SDK1: variants seen among roughly 807,000 people sequenced by gnomAD.
SDK1 encodes sidekick cell adhesion molecule 1, also known as protein sidekick-1.
SDK1 carries 157 observed loss-of-function variants against 245.5 expected under a neutral mutation model. The ratio of observed to expected loss-of-function variants is 0.64; its 90% CI spans 0.56 to 0.73. The LOEUF (loss-of-function observed/expected upper bound fraction) is 0.73. Ranked by LOEUF, SDK1 falls within the 30% of genes least tolerant of loss-of-function variation. SDK1 has a pLI of 0.00. For synonymous variants in SDK1, 1,647 were observed against 1,278.5 expected, an observed-to-expected ratio of 1.29 and a Z score of -6.15; for missense variants, 3,583 against 3,002.3, an observed-to-expected ratio of 1.19 and a Z score of -4.52.
chr7:4,137,011 T>C (rs1386314778), intron 28 of SDK1, among the ~76,000 whole-genome samples: 1 of 152,200 alleles, frequency 6.6e-6, no homozygotes, highest in Middle Eastern at 3.2e-3. Flanking sequence ...TGCAGAGAGA[T>C]CGGCAGCACG....
intron 1 of SDK1, among the ~76,000 whole-genome samples, chr7:3,532,947 G>C (rs549921150): frequency 6.6e-6 from 1 of 152,138 alleles, no homozygotes; most frequent in Non-Finnish European, 1.5e-5. Flanking sequence ...TCAGAAAAAA[G>C]TAGCAAAAAC....
At chr7:3,935,557 T>C (rs1357854638) in intron 5 of SDK1, among the ~76,000 whole-genome samples, 1 of 152,030 alleles carries the variant, frequency 6.6e-6, no homozygotes, top group East Asian at 1.9e-4. Flanking sequence ...GATTTAAAAA[T>C]GGGCAAAGAA....
intron 1 of SDK1, among the ~76,000 whole-genome samples, chr7:3,326,429 T>A (rs1245053942): frequency 6.6e-6 from 1 of 152,186 alleles, no homozygotes; most frequent in East Asian, 1.9e-4. Flanking sequence ...TACTCTGATA[T>A]CACTAGACAT....
chr7:3,970,518 T>C (rs970426302), intron 11 of SDK1, among the ~76,000 whole-genome samples: 1 of 152,228 alleles, frequency 6.6e-6, no homozygotes, highest in Non-Finnish European at 1.5e-5. Flanking sequence ...TTGCAGTTTT[T>C]TGAACTTTTG....
intron 7 of SDK1, among the ~76,000 whole-genome samples, chr7:3,956,228 T>C (rs1030761846): frequency 2.0e-5 from 3 of 152,074 alleles, no homozygotes; most frequent in African/African-American, 7.2e-5. Context: ...GAAGAGTAAG[T>C]GGTTGAGAGT....
At chr7:4,092,406 A>G (rs1781864333) in intron 22 of SDK1, among the ~76,000 whole-genome samples, 1 of 152,202 alleles carries the variant, frequency 6.6e-6, no homozygotes, top group Non-Finnish European at 1.5e-5. Context: ...GGCAGGCTCC[A>G]GAGGCACCCA....
At chr7:3,735,395 C>T (rs999506793) in intron 4 of SDK1, among the ~76,000 whole-genome samples, 15 of 152,082 alleles carry the variant, frequency 9.9e-5, no homozygotes, top group African/African-American at 3.6e-4. Context: ...CTCTAGGTAC[C>T]TCATATAAGT....
chr7:3,789,072 G>A (rs28507850), intron 4 of SDK1, among the ~76,000 whole-genome samples: 1 of 152,202 alleles, frequency 6.6e-6, no homozygotes, highest in Admixed American at 6.5e-5. Context: ...AATACTGTTT[G>A]TCAAGGATAC....
chr7:3,522,371 A>G (rs574543532), intron 1 of SDK1, among the ~76,000 whole-genome samples: 2 of 152,286 alleles, frequency 1.3e-5, no homozygotes, highest in East Asian at 3.9e-4. Flanking sequence ...GTAGAAGTGA[A>G]ATTCCAGTCT....
intron 22 of SDK1, among the ~76,000 whole-genome samples, chr7:4,092,897 G>T (rs1056833460): frequency 2.0e-5 from 3 of 152,188 alleles, no homozygotes; most frequent in Non-Finnish European, 2.9e-5. Context: ...AACACTCTCT[G>T]CCAGAAGAGT....
At chr7:3,497,416 C>T (rs1052966836) in intron 1 of SDK1, among the ~76,000 whole-genome samples, 4 of 152,148 alleles carry the variant, frequency 2.6e-5, no homozygotes, top group African/African-American at 7.2e-5. Context: ...CTTTTTGTAG[C>T]TGTCTGCTGC....
At chr7:3,945,962 TTAAAAAAA>T (rs1253950225) in intron 5 of SDK1, among the ~76,000 whole-genome samples, 2 of 73,828 alleles carry the variant, frequency 2.7e-5, no homozygotes, top group Non-Finnish European at 6.0e-5. Context: ...CTTTCCAAAA[TTAAAAAAA>T]GGAAAATATT....
chr7:4,056,339 G>C (rs1779193880), intron 19 of SDK1, among the ~76,000 whole-genome samples: 1 of 152,114 alleles, frequency 6.6e-6, no homozygotes, highest in Non-Finnish European at 1.5e-5. Context: ...GCCTGAATGA[G>C]AGGGGCTTCA....
Position 3,332,789 on chromosome 7 carries a change from T to C in SDK1, c.298+30905T>C, listed in dbSNP as rs1162121006. Reference sequence around the variant, plus strand: ...AGATAACTTCTTTTCCCCCCAGGAATAGATACAGAAAATATTTTTGGTAAA... The same window carrying C: ...AGATAACTTCTTTTCCCCCCAGGAACAGATACAGAAAATATTTTTGGTAAA... On this transcript the variant is annotated intron_variant, in intron 1 of 44. Transcript: ENST00000404826. 3.3e-5 allele frequency among the ~76,000 whole-genome samples: 5 copies of C among 152,204 alleles called. 1 individual carries two copies. The highest frequency in any genetic ancestry group is 3.3e-4 in the Admixed American group (5 of 15,284).
chr7:4,091,334 CT>C (rs61065472), intron 22 of SDK1, among the ~76,000 whole-genome samples: 1,817 of 108,220 alleles, frequency 0.017, 5 homozygotes, highest in South Asian at 0.02. Flanking sequence ...CTTTTCTTTT[CT>C]TTTTTTTTTT....
At chr7:4,139,657 G>GTATA in intron 28 of SDK1, among the ~76,000 whole-genome samples, 1 of 111,824 alleles carries the variant, frequency 8.9e-6, no homozygotes, top group Non-Finnish European at 1.8e-5. Context: ...ATATGTGTGT[G>GTATA]TGTATATGTG....
intron 1 of SDK1, among the ~76,000 whole-genome samples, chr7:3,361,556 A>G (rs1341092874): frequency 6.6e-6 from 1 of 152,164 alleles, no homozygotes; most frequent in African/African-American, 2.4e-5. Flanking sequence ...CTCTATATTT[A>G]AATCTACAAT....
At chr7:3,323,951 C>T (rs1234923208) in intron 1 of SDK1, among the ~76,000 whole-genome samples, 1 of 152,166 alleles carries the variant, frequency 6.6e-6, no homozygotes, top group Non-Finnish European at 1.5e-5. Context: ...GTTTCTATTA[C>T]CTATGTCCAT....
chr7:3,355,225 A>G (rs940421655), intron 1 of SDK1, among the ~76,000 whole-genome samples: 5 of 152,252 alleles, frequency 3.3e-5, no homozygotes, highest in Admixed American at 1.3e-4. Context: ...AGTTCTTAAA[A>G]TATAAATGCG....
Sources: allele counts gnomAD v4.1 joint callset (sites outside exome capture counted in the v4.1 genomes callset), GRCh38; gene constraint gnomAD v4.1.1; transcripts MANE v1.5; gene names NCBI Gene and HGNC (gene_info 2026-07-23, HGNC 2026-07-21).